The following ITGA8 variants were observed in gnomAD, a reference collection of about 807,000 sequenced individuals.
ITGA8 encodes integrin subunit alpha 8.
A neutral mutation model predicts 142.3 loss-of-function variants in ITGA8; 91 were observed. The observed-to-expected ratio is 0.64, with a 90% CI of 0.54 to 0.76. ITGA8 has a LOEUF of 0.76. Ranked by LOEUF, ITGA8 falls within the 30% of genes least tolerant of loss-of-function variation. The probability of loss-of-function intolerance (pLI) is 0.00; values close to 1 mark genes in which losing one functional copy is unlikely to be tolerated. For missense variants in ITGA8, 1,406 were observed against 1,327.7 expected, an observed-to-expected ratio of 1.06 and a Z score of -0.92; for synonymous variants, 505 against 485.2, an observed-to-expected ratio of 1.04 and a Z score of -0.54.
chr10:15,597,908 A>G (rs1833035604), intron 20 of ITGA8, among the ~76,000 whole-genome samples: 1 of 152,198 alleles, frequency 6.6e-6, no homozygotes, highest in African/African-American at 2.4e-5. Context: ...AACTGAAGTT[A>G]GAAGAGGTTC....
intron 9 of ITGA8, among the ~76,000 whole-genome samples, chr10:15,659,279 T>G (rs1341106): frequency 1.3e-5 from 2 of 151,942 alleles, no homozygotes; most frequent in Non-Finnish European, 1.5e-5. Flanking sequence ...AAAAAACGCA[T>G]GCTTATTAAT....
At chr10:15,621,191 A>C (rs927236474) in intron 13 of ITGA8, among the ~76,000 whole-genome samples, 1 of 150,104 alleles carries the variant, frequency 6.7e-6, no homozygotes, top group African/African-American at 2.5e-5. Flanking sequence ...TTCCTGGAGG[A>C]AATAACTGAC....
chr10:15,669,410 A>T (rs934263573), intron 8 of ITGA8, among the ~76,000 whole-genome samples: 1 of 152,036 alleles, frequency 6.6e-6, no homozygotes, highest in Admixed American at 6.6e-5. Context: ...TATTCTAGTT[A>T]TCCATTCATC....
At chr10:15,597,838 T>G (rs1833034715) in intron 20 of ITGA8, among the ~76,000 whole-genome samples, 1 of 152,250 alleles carries the variant, frequency 6.6e-6, no homozygotes, top group Non-Finnish European at 1.5e-5. Context: ...CCTTCATGTT[T>G]AGCAGTACTT....
At chr10:15,578,389 T>C (rs757586762) in intron 23 of ITGA8, among the ~76,000 whole-genome samples, 1 of 152,190 alleles carries the variant, frequency 6.6e-6, no homozygotes. Context: ...GGATGTACCA[T>C]GATTTGTTTA....
At chr10:15,687,122 CTT>C (rs1354275361) in intron 3 of ITGA8, among the ~76,000 whole-genome samples, 2 of 152,166 alleles carry the variant, frequency 1.3e-5, no homozygotes, top group Admixed American at 6.5e-5. Flanking sequence ...GCTGTATACT[CTT>C]TATACCTTAC....
At chr10:15,603,685 AG>A (rs1383250274) in intron 20 of ITGA8, among the ~76,000 whole-genome samples, 1 of 152,208 alleles carries the variant, frequency 6.6e-6, no homozygotes, top group African/African-American at 2.4e-5. Flanking sequence ...GAGGAAGACC[AG>A]GCTGTTCCTG....
chr10:15,606,633 C>A (rs142424863), intron 17 of ITGA8, among the ~76,000 whole-genome samples: 1 of 152,104 alleles, frequency 6.6e-6, no homozygotes, highest in African/African-American at 2.4e-5. Flanking sequence ...TTTAGAGCTG[C>A]GGCTTCATTG....
rs1409177543 is a variant in ITGA8, at chr10:15,696,391, G to A, written c.344-8353C>T. Among the ~76,000 whole-genome samples, 3 of 152,228 alleles carry A rather than the reference G, an allele frequency of 2.0e-5. No homozygotes were observed. The East Asian group carries it at 5.8e-4, about 29-fold the overall frequency. On this transcript the variant is annotated intron_variant, in intron 2 of 29. Coordinates refer to ENST00000378076, the MANE Select transcript of ITGA8 (RefSeq NM_003638.3). ...TTTTTCAAGAATAGGAGGAATATAT[G>A]TAATATGTAAGAGTCCCCAAATCAA...
intron 26 of ITGA8, among the ~76,000 whole-genome samples, 170 bp from the exon 27 acceptor site, chr10:15,548,738 C>T (rs1271045555): frequency 2.6e-5 from 4 of 152,012 alleles, no homozygotes; most frequent in Admixed American, 6.6e-5. Flanking sequence ...AGTTTAATGG[C>T]GAGGATGAAT....
At chr10:15,645,682 G>T (rs1439226377) in intron 12 of ITGA8, among the ~76,000 whole-genome samples, 1 of 152,092 alleles carries the variant, frequency 6.6e-6, no homozygotes, top group East Asian at 1.9e-4. Context: ...TACTTCCAAG[G>T]CTACTTTGTT....
intron 8 of ITGA8, among the ~76,000 whole-genome samples, chr10:15,666,198 C>G (rs1432617448): frequency 1.3e-5 from 2 of 152,098 alleles, no homozygotes; most frequent in African/African-American, 4.8e-5. Flanking sequence ...TTTCATTGAG[C>G]AGTGGTTTGT....
Position 15,691,486 on chromosome 10 carries a change from G to A in ITGA8, c.344-3448C>T, listed in dbSNP as rs117682883. Among the ~76,000 whole-genome samples the A allele has an allele frequency of 8.0e-3, 1,223 of 152,278 alleles. 5 individuals are homozygous for A. Among genetic ancestry groups the A allele is most frequent in the South Asian group, 0.012 (59 of 4,824 alleles). The stretch of plus-strand genomic sequence containing the variant: ...AATAAAGAAAATGTGGTGTGTATAT[G>A]ATGGAACACAATTTTGCCTTAAAAG... On this transcript the variant is annotated intron_variant, in intron 2 of 29. Coordinates refer to ENST00000378076, the MANE Select transcript of ITGA8 (RefSeq NM_003638.3).
At chr10:15,685,512 T>C (rs1834818685) in intron 3 of ITGA8, among the ~76,000 whole-genome samples, 1 of 152,198 alleles carries the variant, frequency 6.6e-6, no homozygotes, top group African/African-American at 2.4e-5. Flanking sequence ...ATTAAATGCA[T>C]GCCTATCAGA....
rs952331762 is a variant in ITGA8, at chr10:15,671,561, C to G, written c.847+42G>C. 10 of 1,540,578 alleles carry G rather than the reference C, an allele frequency of 6.5e-6. No individual in the cohort carries two copies. In the Admixed American group the frequency reaches 8.4e-5, roughly 13 times the overall value. On this transcript the variant is annotated intron_variant, in intron 8 of 29. Coordinates refer to ENST00000378076, the MANE Select transcript of ITGA8 (RefSeq NM_003638.3). ...ACTTTATATGCCATTTTACCATTTC[C>G]CCATGCTTTATAAGTGATTTAAACT... is the stretch of plus-strand genomic sequence containing the variant.
chr10:15,657,810 C>G (rs1008145835), intron 10 of ITGA8, among the ~76,000 whole-genome samples: 6 of 151,990 alleles, frequency 3.9e-5, no homozygotes, highest in Non-Finnish European at 7.4e-5. Context: ...AAATTAAGTG[C>G]GTAGTTCTGT....
chr10:15,533,476 T>A (rs1286176013), intron 27 of ITGA8, among the ~76,000 whole-genome samples: 3 of 152,228 alleles, frequency 2.0e-5, no homozygotes, highest in Non-Finnish European at 4.4e-5. Context: ...GATTTCAATC[T>A]AATTTCCTTG....
chr10:15,653,199 T>C (rs1180398926), intron 11 of ITGA8, among the ~76,000 whole-genome samples: 1 of 152,160 alleles, frequency 6.6e-6, no homozygotes, highest in Non-Finnish European at 1.5e-5. Context: ...CCCTCTTAGA[T>C]CACCATGGCT....
At chr10:15,638,246 G>A (rs1022417492) in intron 13 of ITGA8, among the ~76,000 whole-genome samples, 2 of 152,054 alleles carry the variant, frequency 1.3e-5, no homozygotes, top group African/African-American at 2.4e-5. Flanking sequence ...TTGAGGTGCC[G>A]TGTTAATTTA....
Sources: allele counts gnomAD v4.1 joint callset (sites outside exome capture counted in the v4.1 genomes callset), GRCh38; gene constraint gnomAD v4.1.1; transcripts MANE v1.5; gene names NCBI Gene and HGNC (gene_info 2026-07-23, HGNC 2026-07-21).